ADIPOR2: variants seen among roughly 807,000 people sequenced by gnomAD.
ADIPOR2 encodes adiponectin receptor protein 2.
A neutral mutation model predicts 40.9 loss-of-function variants in ADIPOR2; 18 were observed. The observed-to-expected ratio is 0.44, with a 90% confidence interval of 0.30 to 0.65. The LOEUF (loss-of-function observed/expected upper bound fraction) is 0.65. Ranked by LOEUF, ADIPOR2 falls within the 30% of genes least tolerant of loss-of-function variation. The pLI, the probability that ADIPOR2 is intolerant of heterozygous loss-of-function variation, is 0.09. For missense variants in ADIPOR2, 283 were observed against 479.2 expected, an observed-to-expected ratio of 0.59 and a Z score of 3.82; for synonymous variants, 165 against 166.4, an observed-to-expected ratio of 0.99 and a Z score of 0.06.
At chr12:1,759,321 G>A (rs1862218934) in intron 2 of ADIPOR2, among the ~76,000 whole-genome samples, 2 of 152,236 alleles carry the variant, frequency 1.3e-5, no homozygotes, top group Non-Finnish European at 1.5e-5. Context: ...TTTAGAAGAT[G>A]CAGATCTTAA....
chr12:1,775,316 G>C (rs1862567699), intron 3 of ADIPOR2, among the ~76,000 whole-genome samples: 1 of 152,168 alleles, frequency 6.6e-6, no homozygotes, highest in Non-Finnish European at 1.5e-5. Flanking sequence ...ACCTATTTGT[G>C]TTGGAATTTG....
chr12:1,758,070 A>G (rs765424099), intron 2 of ADIPOR2: 10 of 601,180 alleles, frequency 1.7e-5, no homozygotes, highest in African/African-American at 7.4e-5. Context: ...TGCCCACCCA[A>G]TCACTTTTGT....
At chr12:1,746,614 A>G (rs751105227) in intron 1 of ADIPOR2, among the ~76,000 whole-genome samples, 1 of 152,378 alleles carries the variant, frequency 6.6e-6, no homozygotes, top group South Asian at 2.1e-4. Flanking sequence ...CAGAGCTCCA[A>G]ATAACCTGAA....
intron 2 of ADIPOR2, among the ~76,000 whole-genome samples, chr12:1,770,257 A>C (rs1455605409): frequency 6.6e-6 from 1 of 152,218 alleles, no homozygotes; most frequent in Non-Finnish European, 1.5e-5. Context: ...CTCACTGATT[A>C]CTTACTGAGT....
intron 1 of ADIPOR2, among the ~76,000 whole-genome samples, chr12:1,710,112 T>C (rs1231265974): frequency 6.6e-6 from 1 of 151,970 alleles, no homozygotes; most frequent in Non-Finnish European, 1.5e-5. Context: ...TAGCTAGAGG[T>C]TTGTAAAATG....
intron 1 of ADIPOR2, among the ~76,000 whole-genome samples, chr12:1,735,698 T>C (rs199612591): frequency 6.6e-6 from 1 of 152,210 alleles, no homozygotes; most frequent in Non-Finnish European, 1.5e-5. Flanking sequence ...ATGCTTCCAG[T>C]TTTTGCCCAT....
At chr12:1,780,155 G>A (rs1862685835) in intron 4 of ADIPOR2, 1 of 251,188 alleles carries the variant, frequency 4.0e-6, no homozygotes, top group Non-Finnish European at 7.5e-6. Context: ...GGTAGAAGTG[G>A]CTTCATTATA....
intron 1 of ADIPOR2, among the ~76,000 whole-genome samples, chr12:1,694,688 A>G (rs1178305126): frequency 3.9e-5 from 6 of 152,212 alleles, no homozygotes; most frequent in African/African-American, 1.4e-4. Context: ...GCTAGTTTCC[A>G]GTTTTCATCC....
intron 2 of ADIPOR2, among the ~76,000 whole-genome samples, chr12:1,759,278 A>G (rs1369805622): frequency 6.6e-6 from 1 of 152,148 alleles, no homozygotes; most frequent in African/African-American, 2.4e-5. Flanking sequence ...ATTTCTAACA[A>G]TTTTGCATCA....
chr12:1,763,553 T>C (rs1435321714), intron 2 of ADIPOR2, among the ~76,000 whole-genome samples: 7 of 152,090 alleles, frequency 4.6e-5, no homozygotes, highest in African/African-American at 1.2e-4. Context: ...TCCTCTGTTA[T>C]ATCAAAAGGA....
intron 2 of ADIPOR2, among the ~76,000 whole-genome samples, chr12:1,761,727 A>G (rs1023473482): frequency 3.3e-5 from 5 of 152,212 alleles, no homozygotes; most frequent in Non-Finnish European, 7.3e-5. Flanking sequence ...TTTCACTTCA[A>G]ATGGTCTCCT....
intron 2 of ADIPOR2, among the ~76,000 whole-genome samples, chr12:1,764,447 C>T (rs962674307): frequency 3.3e-5 from 5 of 152,114 alleles, no homozygotes; most frequent in Admixed American, 6.5e-5. Flanking sequence ...GGGTTTTGTA[C>T]TCAGAGTGAC....
intron 1 of ADIPOR2, among the ~76,000 whole-genome samples, chr12:1,706,922 C>G (rs1248126816): frequency 2.0e-5 from 3 of 152,142 alleles, no homozygotes; most frequent in Admixed American, 6.5e-5. Flanking sequence ...GCCAGGAGTT[C>G]AAGGCTGCAG....
chr12:1,693,295 A>G (rs973557566), intron 1 of ADIPOR2, among the ~76,000 whole-genome samples: 3 of 96,714 alleles, frequency 3.1e-5, no homozygotes, highest in African/African-American at 8.4e-5. Context: ...AACACCTTAT[A>G]TTTATTTACT....
chr12:1,738,827 A>G (rs1423948482), intron 1 of ADIPOR2, among the ~76,000 whole-genome samples: 1 of 152,156 alleles, frequency 6.6e-6, no homozygotes, highest in Non-Finnish European at 1.5e-5. Flanking sequence ...GAATTTTTAG[A>G]TTGATTTATA....
chr12:1,712,022 A>G (rs562090966), intron 1 of ADIPOR2, among the ~76,000 whole-genome samples: 1 of 152,090 alleles, frequency 6.6e-6, no homozygotes, highest in Non-Finnish European at 1.5e-5. Context: ...TAGTTCTGCT[A>G]TCTGGCCGCT....
chr12:1,731,556 C>T (rs867369621), intron 1 of ADIPOR2, among the ~76,000 whole-genome samples: 5 of 152,158 alleles, frequency 3.3e-5, no homozygotes, highest in South Asian at 2.1e-4. Flanking sequence ...CACTTTCTGA[C>T]GCTATCAGTT....
chr12:1,722,610 A>G (rs1056553724), intron 1 of ADIPOR2, among the ~76,000 whole-genome samples: 2 of 152,216 alleles, frequency 1.3e-5, no homozygotes. Flanking sequence ...GACAGTGACA[A>G]TAGACTCCTA....
At chr12:1,757,838 A>G in intron 2 of ADIPOR2, 1 of 832,510 alleles carries the variant, frequency 1.2e-6, no homozygotes, top group Middle Eastern at 2.4e-4. Context: ...TCTTTACTTC[A>G]TCTCCTGTCA....
Sources: gnomAD v4.1 joint callset for allele counts (sites outside exome capture counted in the v4.1 genomes callset) on GRCh38, gnomAD v4.1.1 for gene constraint, MANE v1.5 for transcripts, NCBI Gene and HGNC (gene_info 2026-07-23, HGNC 2026-07-21) for gene names.